Variants in GRID2 observed in about 807,000 individuals in gnomAD.
GRID2 encodes the protein glutamate receptor ionotropic, delta-2.
In GRID2, 33 loss-of-function variants were observed where a neutral mutation model predicts 114.8. The observed-to-expected ratio is 0.29, with a 90% CI of 0.22 to 0.38. The LOEUF is 0.38. Among genes scored for constraint, GRID2 ranks in the 10% least tolerant of loss-of-function variants. The pLI is 1.00. For missense variants in GRID2, 1,184 were observed against 1,257.7 expected (o/e 0.94, Z 0.89); for synonymous variants, 505 against 449.9 (o/e 1.12, Z -1.55).
intron 2 of GRID2, among the ~76,000 whole-genome samples, chr4:92,919,524 T>C (rs1749122749): frequency 6.6e-6 from 1 of 152,240 alleles, no homozygotes; most frequent in South Asian, 2.1e-4. Flanking sequence ...CTGCTTTGAA[T>C]GTGTCCCAGA....
intron 8 of GRID2, chr4:93,306,020 G>T (rs754039030): frequency 6.6e-6 from 1 of 152,098 alleles, no homozygotes; most frequent in Non-Finnish European, 1.5e-5. Flanking sequence ...ACATACACTT[G>T]TTACCTGATT....
intron 2 of GRID2, among the ~76,000 whole-genome samples, chr4:92,684,860 T>C (rs1733826963): frequency 6.6e-6 from 1 of 152,106 alleles, no homozygotes; most frequent in South Asian, 2.1e-4. Flanking sequence ...TTTTAATACA[T>C]ATCAGAAGAA....
chr4:93,134,020 C>G (rs1010229259), intron 4 of GRID2, among the ~76,000 whole-genome samples: 9 of 152,122 alleles, frequency 5.9e-5, no homozygotes, highest in Non-Finnish European at 1.3e-4. Flanking sequence ...TAATTAGCAT[C>G]TAATGCAGGA....
chr4:93,200,252 C>T (rs1741931373), intron 4 of GRID2, among the ~76,000 whole-genome samples: 1 of 152,258 alleles, frequency 6.6e-6, no homozygotes, highest in South Asian at 2.1e-4. Context: ...GAAAGAAGCA[C>T]AAGTATCACC....
At position 92,366,487 on chromosome 4, in the gene GRID2, T is replaced by C. The variant is rs546627718; in HGVS notation, c.88+61743T>C. On this transcript the variant is annotated intron_variant, in intron 1 of 15. Coordinates refer to ENST00000282020, the MANE Select transcript of GRID2 (RefSeq NM_001510.4). The stretch of plus-strand genomic sequence containing the variant: ...AACCAGCTTAGCAAAGTGCCTGCCA[T>C]ATATTACGTATGGCAGGCACTCAAG... 6.6e-5 allele frequency among the ~76,000 whole-genome samples: 10 copies of C among 152,144 alleles called. No homozygotes were observed. The East Asian group carries it at 1.9e-3, about 29-fold the overall frequency.
At chr4:93,637,626 C>G (rs1267272611) in intron 14 of GRID2, among the ~76,000 whole-genome samples, 1 of 152,134 alleles carries the variant, frequency 6.6e-6, no homozygotes, top group Non-Finnish European at 1.5e-5. Flanking sequence ...AAAGGGTCCT[C>G]CATTACAGGG....
At chr4:93,608,867 G>C (rs1740627185) in intron 13 of GRID2, among the ~76,000 whole-genome samples, 1 of 132,796 alleles carries the variant, frequency 7.5e-6, no homozygotes, top group Non-Finnish European at 1.7e-5. Flanking sequence ...TCTAGTTCTA[G>C]ATCCCTGAGG....
At chr4:92,704,349 G>T (rs1734836958) in intron 2 of GRID2, among the ~76,000 whole-genome samples, 1 of 152,128 alleles carries the variant, frequency 6.6e-6, no homozygotes, top group Admixed American at 6.5e-5. Flanking sequence ...ATTTGGTATT[G>T]AGAGATTTAA....
chr4:92,692,641 T>A (rs1734231537), intron 2 of GRID2, among the ~76,000 whole-genome samples: 1 of 152,302 alleles, frequency 6.6e-6, no homozygotes, highest in Middle Eastern at 3.4e-3. Flanking sequence ...TTGTAATGTT[T>A]ACAGTATATT....
At chr4:93,116,264 T>C (rs1733243855) in intron 4 of GRID2, among the ~76,000 whole-genome samples, 1 of 152,186 alleles carries the variant, frequency 6.6e-6, no homozygotes, top group Non-Finnish European at 1.5e-5. Flanking sequence ...AGCTTCCATG[T>C]CCCACAGATT....
chr4:93,173,089 A>T (rs538625878), intron 4 of GRID2, among the ~76,000 whole-genome samples: 5 of 152,124 alleles, frequency 3.3e-5, no homozygotes, highest in African/African-American at 1.2e-4. Context: ...AGGAAATTGT[A>T]TTGCCTTAAA....
intron 2 of GRID2, among the ~76,000 whole-genome samples, chr4:92,671,674 G>A (rs914412675): frequency 3.3e-5 from 5 of 152,200 alleles, no homozygotes; most frequent in Admixed American, 6.6e-5. Context: ...GAAGTGTTGC[G>A]TAAAAGTAGT....
chr4:93,744,769 A>G (rs1731700742), intron 14 of GRID2, among the ~76,000 whole-genome samples: 1 of 152,196 alleles, frequency 6.6e-6, no homozygotes, highest in Non-Finnish European at 1.5e-5. Context: ...GCTATCAAAC[A>G]GCTTTGCATG....
intron 1 of GRID2, among the ~76,000 whole-genome samples, chr4:92,423,658 T>C (rs1367754357): frequency 1.3e-5 from 2 of 152,158 alleles, no homozygotes; most frequent in Non-Finnish European, 2.9e-5. Flanking sequence ...ACCTGATTTA[T>C]ATCCTATTTT....
chr4:92,450,253 T>G (rs1328994191), intron 1 of GRID2, among the ~76,000 whole-genome samples: 3 of 152,064 alleles, frequency 2.0e-5, no homozygotes, highest in Non-Finnish European at 4.4e-5. Flanking sequence ...GTGCAGAATT[T>G]ATAATAGTAG....
chr4:93,697,368 A>T (rs2110129637), intron 14 of GRID2, among the ~76,000 whole-genome samples: 1 of 152,194 alleles, frequency 6.6e-6, no homozygotes, highest in African/African-American at 2.4e-5. Flanking sequence ...AGTGACAGAG[A>T]GTTTGTGGGC....
intron 1 of GRID2, among the ~76,000 whole-genome samples, chr4:92,555,984 A>G (rs924775934): frequency 4.6e-5 from 7 of 152,104 alleles, no homozygotes; most frequent in African/African-American, 1.7e-4. Flanking sequence ...CTCCTTGAAT[A>G]ATTTATGTTC....
intron 2 of GRID2, among the ~76,000 whole-genome samples, chr4:92,944,566 G>A (rs112180318): frequency 3.2e-4 from 48 of 152,262 alleles, no homozygotes; most frequent in East Asian, 1.5e-3. Flanking sequence ...TGCTCAGTGC[G>A]CTGCACCCAC....
At chr4:92,974,951 A>T (rs1407441785) in intron 2 of GRID2, among the ~76,000 whole-genome samples, 3 of 151,622 alleles carry the variant, frequency 2.0e-5, no homozygotes, top group African/African-American at 7.3e-5. Flanking sequence ...AGGTCAGGAG[A>T]TCTACACCAT....
Sources: gnomAD v4.1 joint callset for allele counts (sites outside exome capture counted in the v4.1 genomes callset) on GRCh38, gnomAD v4.1.1 for gene constraint, MANE v1.5 for transcripts, NCBI Gene and HGNC (gene_info 2026-07-23, HGNC 2026-07-21) for gene names.